Variants in ABCC6 observed in about 807,000 individuals in gnomAD.
ABCC6 encodes the protein ATP binding cassette subfamily C member 6.
In ABCC6, 126 loss-of-function variants were observed where a neutral mutation model predicts 169.5. That is an observed-to-expected ratio of 0.74 (90% CI 0.64 to 0.86). ABCC6 has a LOEUF of 0.86. ABCC6 is among the 40% of genes least tolerant of loss of function. The pLI is 0.00. For synonymous variants in ABCC6, 752 were observed against 814.7 expected (o/e 0.92, Z 1.31); for missense variants, 1,733 against 1,927.2 (o/e 0.90, Z 1.89).
At chr16:16,192,964 C>T (rs751128360) in intron 10 of ABCC6, 42 bp from the exon 11 acceptor site, 1 of 1,565,936 alleles carries the variant, frequency 6.4e-7, no homozygotes, top group Non-Finnish European at 8.8e-7. Flanking sequence ...TCCCGAGGAG[C>T]CCAGCTCTCA....
intron 17 of ABCC6, 61 bp downstream of exon 17, chr16:16,182,351 G>A: frequency 6.3e-7 from 1 of 1,599,480 alleles, no homozygotes; most frequent in Non-Finnish European, 8.6e-7. Context: ...GATGAGTCGG[G>A]GACCCAAATG....
At chr16:16,187,736 A>T (rs1328306494) in intron 13 of ABCC6, among the ~76,000 whole-genome samples, 1 of 152,048 alleles carries the variant, frequency 6.6e-6, no homozygotes, top group East Asian at 1.9e-4. Context: ...TCTACAAAAA[A>T]TTAAAAAAAT....
At chr16:16,197,656 T>G (rs1596701732) in intron 10 of ABCC6, among the ~76,000 whole-genome samples, 15 of 69,178 alleles carry the variant, frequency 2.2e-4, no homozygotes, top group Admixed American at 3.9e-4. Flanking sequence ...GAGGAGGGGG[T>G]GCGTGGGCAG....
chr16:16,213,617 A>AATG (rs2048731518), intron 5 of ABCC6, among the ~76,000 whole-genome samples: 2 of 148,606 alleles, frequency 1.3e-5, no homozygotes, highest in African/African-American at 5.0e-5. Flanking sequence ...CTGGAGTGCA[A>AATG]ATGCACAGTC....
intron 2 of ABCC6, among the ~76,000 whole-genome samples, chr16:16,220,612 TCGG>T (rs2141222874): frequency 6.6e-6 from 1 of 152,178 alleles, no homozygotes; most frequent in South Asian, 2.1e-4. Flanking sequence ...TGAAACGCAG[TCGG>T]CCGGGGGTGG....
chr16:16,214,468 A>G lies in ABCC6; in HGVS notation c.475-19T>C. 1 of 1,551,840 alleles carries G rather than the reference A, an allele frequency of 6.4e-7. No individual in the cohort carries two copies. The highest frequency in any genetic ancestry group is 1.2e-5 in the South Asian group (1 of 84,052). On this transcript the variant is annotated intron_variant, in intron 4 of 30. Coordinates refer to ENST00000205557, the MANE Select transcript of ABCC6 (RefSeq NM_001171.6). Reference sequence around the variant, plus strand: ...GGAAGCCCTGTGGGAGGGAAAGCAGAAGATAAGGAATGGAGACAGAGGAGG... The same window carrying G: ...GGAAGCCCTGTGGGAGGGAAAGCAGGAGATAAGGAATGGAGACAGAGGAGG...
At chr16:16,191,174 G>C (rs969956416) in intron 11 of ABCC6, among the ~76,000 whole-genome samples, 1 of 152,040 alleles carries the variant, frequency 6.6e-6, no homozygotes, top group Non-Finnish European at 1.5e-5. Context: ...GGAGTGCAGT[G>C]GTGTGGTCTC....
intron 23 of ABCC6, among the ~76,000 whole-genome samples, chr16:16,165,002 C>T (rs1331890405): frequency 2.0e-5 from 3 of 152,134 alleles, no homozygotes; most frequent in Non-Finnish European, 2.9e-5. Flanking sequence ...AAGAATCTAG[C>T]TTCATATAAT....
At chr16:16,170,916 T>C (rs1167999033) in intron 21 of ABCC6, among the ~76,000 whole-genome samples, 2 of 26,584 alleles carry the variant, frequency 7.5e-5, no homozygotes, top group African/African-American at 1.4e-4. Context: ...TGAAACTCTG[T>C]CTCAAAAAAA....
chr16:16,203,901 A>AC (rs1218554919), intron 7 of ABCC6, among the ~76,000 whole-genome samples: 1 of 151,710 alleles, frequency 6.6e-6, no homozygotes, highest in East Asian at 1.9e-4. Context: ...TCATCCTAAG[A>AC]CCCCCTGAGA....
chr16:16,217,334 C>T (rs1299293337), intron 4 of ABCC6, among the ~76,000 whole-genome samples: 1 of 152,158 alleles, frequency 6.6e-6, no homozygotes. Flanking sequence ...TCGGGCTCTG[C>T]ACTCCCAAGC....
chr16:16,175,936 TG>T lies in ABCC6; in HGVS notation c.2640del (p.Arg881GlyfsTer50), dbSNP rs2047264233. On this transcript the variant is annotated frameshift_variant, in exon 20 of 31. Transcript: ENST00000205557. LOFTEE classifies it high-confidence loss of function. The stretch of plus-strand genomic sequence containing the variant: ...CTCTCGCGTCTAAGCTCGGGCCTCC[TG>T]CCTGCAGAGGTGCCTCTGGGGTCCT... Reference protein sequence around the residue: ...STKDPRGTSAGRRPELRRERS... With the variant: ...STKDPRGTSAXRRPELRRERS... 1 of 1,614,074 alleles carries T rather than the reference TG, an allele frequency of 6.2e-7. No homozygotes were observed. Among genetic ancestry groups the T allele is most frequent in the Non-Finnish European group, 8.5e-7 (1 of 1,180,046 alleles).
intron 17 of ABCC6, among the ~76,000 whole-genome samples, chr16:16,180,558 T>C (rs754909837): frequency 1.3e-5 from 2 of 152,176 alleles, no homozygotes; most frequent in Non-Finnish European, 2.9e-5. Context: ...AATGGCTTGA[T>C]CTCGGCTCAC....
intron 25 of ABCC6, 146 bp downstream of exon 25, chr16:16,161,292 G>C: frequency 8.0e-7 from 1 of 1,248,338 alleles, no homozygotes; most frequent in Non-Finnish European, 1.1e-6. Context: ...TCTGGCTCTT[G>C]TAGAGCTGCG....
rs1317220660 is a variant in ABCC6, at chr16:16,190,358, T to C, written c.1441A>G (p.Met481Val). Residue 481 changes from methionine (M) to valine (V), a missense_variant, in exon 12 of 31, where the codon ATG becomes GTG. Met to Val is a conservative substitution (Grantham distance 21). This residue lies in a region of ABCC6 where 1,601 missense variants were observed against 1,635.5 expected (regional missense o/e 0.98). Transcript: ENST00000205557. Reference sequence around the variant, plus strand: ...CGTGCCCGTGAGTCCTTCTGCCTCATTTGCTCCTCCTGGGATCGGAGGGAA... The same window carrying C: ...CGTGCCCGTGAGTCCTTCTGCCTCACTTGCTCCTCCTGGGATCGGAGGGAA... ...KKRNHHQEEQ[M>V]RQKDSRARLT... 2 of 1,614,074 alleles carry C rather than the reference T, an allele frequency of 1.2e-6. No individual in the cohort carries two copies. The highest frequency in any genetic ancestry group is 2.2e-5 in the East Asian group (1 of 44,866).
intron 21 of ABCC6, among the ~76,000 whole-genome samples, chr16:16,172,137 A>T (rs1272851837): frequency 9.3e-6 from 1 of 107,644 alleles, no homozygotes; most frequent in Admixed American, 1.1e-4. Context: ...AATGGATGGG[A>T]TGCATAAATG....
chr16:16,215,207 A>G (rs997023055), intron 4 of ABCC6, among the ~76,000 whole-genome samples: 3 of 152,136 alleles, frequency 2.0e-5, no homozygotes, highest in Admixed American at 2.0e-4. Flanking sequence ...TTCTTGCCAT[A>G]CACAGTCTCA....
rs7192265 is a variant in ABCC6 at position 16,187,032 on chromosome 16, C to T, written c.1867+92G>A. 0.45 allele frequency: 518,299 copies of T among 1,146,688 alleles called. 121,761 individuals carry two copies. The highest frequency in any genetic ancestry group is 0.49 in the Non-Finnish European group (383,986 of 780,454). 71.0% of individuals were successfully genotyped at this position (1,146,688 alleles called of 1,614,324 possible). The stretch of plus-strand genomic sequence containing the variant: ...CCATTGCCCGCAGCCCCCATCTCCC[C>T]CCAGTACTGATGCTGGCTTGCCATT... On this transcript the variant is annotated intron_variant, in intron 14 of 30. Transcript: ENST00000205557.
In ABCC6 at chr16:16,192,834, T is replaced by C. The variant is rs1429679609; in HGVS notation, c.1427A>G (p.His476Arg). 1.2e-6 allele frequency: 2 copies of C among 1,613,522 alleles called. No homozygotes were observed. Among genetic ancestry groups the C allele is most frequent in the Non-Finnish European group, 1.7e-6 (2 of 1,179,566 alleles). Residue 476 changes from histidine to arginine, a missense_variant, in exon 11 of 31, where the codon CAT (histidine) becomes CGT (arginine). Around this residue, in one of 5 missense-constraint regions of ABCC6, gnomAD observed 1,601 missense variants for 1,635.5 expected, o/e 0.98. Transcript: ENST00000205557. ...TCCCTTTCCCAAAAGCCAAACCTGA[T>C]GGTGGTTCCTTTTCTTGGAGATGAA... ...NFFISKKRNH[H>R]QEEQMRQKDS... is the part of the protein sequence containing the mutation.
Sources: allele counts gnomAD v4.1 joint callset (sites outside exome capture counted in the v4.1 genomes callset), GRCh38; gene constraint gnomAD v4.1.1; regional missense constraint gnomAD v4.1.1; transcripts MANE v1.5; gene names NCBI Gene and HGNC (gene_info 2026-07-23, HGNC 2026-07-21).